The following NTM variants were observed in gnomAD, a reference collection of about 807,000 sequenced individuals.
The protein encoded by NTM is IgLON family member 2.
A neutral mutation model predicts 42.1 loss-of-function variants in NTM; 13 were observed. That is an observed-to-expected ratio of 0.31 (90% CI 0.20 to 0.49). The LOEUF is 0.49. NTM is among the 20% of genes least tolerant of loss of function. The pLI is 0.99. For missense variants in NTM, 373 were observed against 452.8 expected (o/e 0.82, Z 1.60); for synonymous variants, 187 against 179.2 (o/e 1.04, Z -0.35).
intron 2 of NTM, 120 bp downstream of exon 2, chr11:131,911,768 G>C: frequency 7.9e-7 from 1 of 1,269,046 alleles, no homozygotes; most frequent in Admixed American, 1.8e-5. Context: ...TGGTTCCCTG[G>C]GCTGCACAAT....
At chr11:131,423,897 C>A (rs1368202887) in intron 1 of NTM, among the ~76,000 whole-genome samples, 1 of 152,200 alleles carries the variant, frequency 6.6e-6, no homozygotes, top group Non-Finnish European at 1.5e-5. Context: ...CCAGACTCTG[C>A]ATTCCAGCAC....
chr11:132,040,637 A>G (rs2077058277), intron 2 of NTM, among the ~76,000 whole-genome samples: 1 of 152,006 alleles, frequency 6.6e-6, no homozygotes, highest in African/African-American at 2.4e-5. Flanking sequence ...TCTTGTTCCC[A>G]CTCCCATCCC....
intron 3 of NTM, among the ~76,000 whole-genome samples, chr11:132,175,597 T>C (rs2076686284): frequency 7.3e-6 from 1 of 137,136 alleles, no homozygotes; most frequent in African/African-American, 3.5e-5. Flanking sequence ...CCACCCCCCT[T>C]TTTTTTTTCA....
chr11:132,050,147 G>A (rs2078647882), intron 2 of NTM, among the ~76,000 whole-genome samples: 1 of 152,186 alleles, frequency 6.6e-6, no homozygotes, highest in Non-Finnish European at 1.5e-5. Context: ...GCTGGCAGGG[G>A]ACTGGGGAAG....
chr11:131,953,843 G>A (rs1166345189), intron 2 of NTM, among the ~76,000 whole-genome samples: 1 of 152,186 alleles, frequency 6.6e-6, no homozygotes, highest in African/African-American at 2.4e-5. Flanking sequence ...TGAGAAAAAT[G>A]AGGAGAAGAG....
At chr11:132,179,920 C>G (rs901180686) in intron 3 of NTM, among the ~76,000 whole-genome samples, 2 of 152,140 alleles carry the variant, frequency 1.3e-5, no homozygotes, top group Non-Finnish European at 2.9e-5. Context: ...GCTGTTTGAT[C>G]CTGGTATGCT....
At chr11:132,083,933 C>T (rs2136311696) in intron 2 of NTM, among the ~76,000 whole-genome samples, 1 of 150,906 alleles carries the variant, frequency 6.6e-6, no homozygotes, top group East Asian at 1.9e-4. Context: ...TTAAATAGTT[C>T]AAAATAAAAG....
intron 2 of NTM, among the ~76,000 whole-genome samples, chr11:131,985,844 A>T (rs1057324124): frequency 6.6e-6 from 1 of 152,176 alleles, no homozygotes; most frequent in African/African-American, 2.4e-5. Flanking sequence ...TATCCACCAC[A>T]TATAACTGTT....
At chr11:132,077,149 A>C (rs963406192) in intron 2 of NTM, among the ~76,000 whole-genome samples, 1 of 152,220 alleles carries the variant, frequency 6.6e-6, no homozygotes, top group Non-Finnish European at 1.5e-5. Flanking sequence ...TTGGTGACAC[A>C]TGCGAAGGCA....
At chr11:132,294,296 C>A (rs1591803402) in intron 4 of NTM, among the ~76,000 whole-genome samples, 1 of 152,224 alleles carries the variant, frequency 6.6e-6, no homozygotes, top group East Asian at 1.9e-4. Context: ...TCGCCTTCCC[C>A]TCCCCTCATT....
rs576861320 is a variant in NTM, at chr11:132,094,538, T to C, written c.168-51744T>C. ...TCCTTCTCTTTAGGAAGACCAAAAA[T>C]GAATGAGAGTGGCATGGATTTGAAG... On this transcript the variant is annotated intron_variant, in intron 2 of 8. Coordinates refer to ENST00000683400, the MANE Select transcript of NTM (RefSeq NM_001352005.2). Among the ~76,000 whole-genome samples the C allele has an allele frequency of 7.2e-5, 11 of 152,258 alleles. No individual in the cohort carries two copies. In the South Asian group the frequency reaches 2.3e-3, roughly 32 times the overall value.
At position 132,294,145 on chromosome 11, in the gene NTM, C is replaced by T. The variant is rs80069755; in HGVS notation, c.527-13544C>T. ...ATGACTTCGAGCTTTAATGAGAACACGGTAGTCACAGGAGCAAGCTTCTGA... is the reference window on the plus strand; with the variant it reads ...ATGACTTCGAGCTTTAATGAGAACATGGTAGTCACAGGAGCAAGCTTCTGA... On this transcript the variant is annotated intron_variant, in intron 4 of 8. Transcript: ENST00000683400. Among the ~76,000 whole-genome samples the T allele has an allele frequency of 2.3e-3, 346 of 152,240 alleles. 1 individual carries two copies. The highest frequency in any genetic ancestry group is 8.0e-3 in the African/African-American group (331 of 41,550).
chr11:131,703,204 C>T (rs1007906810), intron 1 of NTM, among the ~76,000 whole-genome samples: 5 of 152,040 alleles, frequency 3.3e-5, no homozygotes, highest in Admixed American at 2.0e-4. Context: ...TCAAAATAGC[C>T]AAAAGACAGT....
intron 1 of NTM, chr11:131,671,638 T>G: frequency 1.7e-5 from 17 of 979,828 alleles, no homozygotes; most frequent in Non-Finnish European, 2.1e-5. Context: ...CTCAGAGCCC[T>G]GTGAGAACCA....
chr11:132,108,906 C>T (rs557311897), intron 2 of NTM, among the ~76,000 whole-genome samples: 10 of 152,160 alleles, frequency 6.6e-5, no homozygotes, highest in Admixed American at 4.6e-4. Flanking sequence ...TCCTTGTGTC[C>T]ATGTGTTCTC....
At chr11:132,216,483 A>G (rs1053593175) in intron 4 of NTM, among the ~76,000 whole-genome samples, 1 of 152,188 alleles carries the variant, frequency 6.6e-6, no homozygotes, top group Non-Finnish European at 1.5e-5. Context: ...TTCTGTCATC[A>G]AACAAGACAC....
chr11:131,614,075 G>A (rs559607142), intron 1 of NTM, among the ~76,000 whole-genome samples: 112 of 152,122 alleles, frequency 7.4e-4, no homozygotes, highest in Non-Finnish European at 1.2e-3. Flanking sequence ...ACCATGGGGC[G>A]GAGATGCCCA....
chr11:132,253,146 G>A (rs78902122), intron 4 of NTM, among the ~76,000 whole-genome samples: 1 of 152,188 alleles, frequency 6.6e-6, no homozygotes, highest in East Asian at 1.9e-4. Context: ...TGGAACACAT[G>A]CCATGTCCTG....
chr11:131,863,828 G>T (rs1447361737), intron 1 of NTM, among the ~76,000 whole-genome samples: 4 of 152,186 alleles, frequency 2.6e-5, no homozygotes, highest in African/African-American at 7.2e-5. Context: ...GGGAGGACCA[G>T]CCAGCGCTTG....
Sources: allele counts gnomAD v4.1 joint callset (sites outside exome capture counted in the v4.1 genomes callset), GRCh38; gene constraint gnomAD v4.1.1; transcripts MANE v1.5; gene names NCBI Gene and HGNC (gene_info 2026-07-23, HGNC 2026-07-21).